Variants in WDR59 observed in about 807,000 individuals in gnomAD.
WDR59 encodes GATOR2 complex protein WDR59.
In WDR59, 100 loss-of-function variants were observed where a neutral mutation model predicts 131.2. The ratio of observed to expected loss-of-function variants is 0.76; its 90% confidence interval spans 0.65 to 0.90. WDR59 has a LOEUF of 0.90. Ranked by LOEUF, WDR59 falls within the 40% of genes least tolerant of loss-of-function variation. The pLI is 0.00. For missense variants in WDR59, 1,203 were observed against 1,262.2 expected (o/e 0.95, Z 0.71); for synonymous variants, 601 against 466.2 (o/e 1.29, Z -3.72).
intron 25 of WDR59, among the ~76,000 whole-genome samples, chr16:74,875,233 C>G (rs1311977051): frequency 2.0e-5 from 3 of 152,256 alleles, no homozygotes; most frequent in East Asian, 3.8e-4. Flanking sequence ...CACTGGGCTA[C>G]CCTGAGTAAA....
At chr16:74,982,544 G>C (rs1288123418) in intron 1 of WDR59, among the ~76,000 whole-genome samples, 1 of 152,146 alleles carries the variant, frequency 6.6e-6, no homozygotes, top group African/African-American at 2.4e-5. Context: ...GAGACTACCT[G>C]GGTTTCTGTG....
intron 18 of WDR59, 84 bp downstream of exon 18, chr16:74,903,863 T>C: frequency 4.1e-6 from 6 of 1,476,084 alleles, no homozygotes; most frequent in Non-Finnish European, 5.5e-6. Context: ...TGATTACTAA[T>C]CTAGCTGCTG....
At chr16:74,896,840 T>G (rs549379721) in intron 18 of WDR59, among the ~76,000 whole-genome samples, 1 of 152,248 alleles carries the variant, frequency 6.6e-6, no homozygotes, top group South Asian at 2.1e-4. Flanking sequence ...GCTCATTCTG[T>G]GCTAGTATAA....
chr16:74,923,222 A>T (rs917179120), intron 9 of WDR59, among the ~76,000 whole-genome samples: 1 of 152,238 alleles, frequency 6.6e-6, no homozygotes, highest in Non-Finnish European at 1.5e-5. Context: ...GCTCAAAAAC[A>T]TCAAATGGCT....
intron 2 of WDR59, among the ~76,000 whole-genome samples, chr16:74,960,061 G>GGCTC (rs1405855922): frequency 2.0e-5 from 3 of 152,052 alleles, no homozygotes; most frequent in Admixed American, 6.6e-5. Flanking sequence ...CGGGCGCAGT[G>GGCTC]GCTCACACCT....
intron 4 of WDR59, chr16:74,950,019 A>G: frequency 1.7e-6 from 1 of 594,306 alleles, no homozygotes; most frequent in Admixed American, 2.2e-5. Context: ...CTGCTCCCAG[A>G]AAAGAAATGG....
chr16:74,918,778 A>G (rs1355663752), intron 10 of WDR59, among the ~76,000 whole-genome samples: 2 of 152,176 alleles, frequency 1.3e-5, no homozygotes, highest in African/African-American at 4.8e-5. Context: ...AATTTTATGG[A>G]TGGGGAAACT....
chr16:74,892,399 A>G, intron 20 of WDR59, 85 bp downstream of exon 20: 1 of 1,141,116 alleles, frequency 8.8e-7, no homozygotes, highest in East Asian at 2.4e-5. Context: ...ACACTTTGAA[A>G]ATGTCATTAA....
intron 8 of WDR59, among the ~76,000 whole-genome samples, chr16:74,929,838 C>T (rs1016030215): frequency 3.9e-5 from 6 of 152,150 alleles, no homozygotes; most frequent in African/African-American, 1.2e-4. Context: ...CAATGGAGTA[C>T]TATTCATCCA....
intron 4 of WDR59, chr16:74,950,018 G>C: frequency 3.5e-6 from 2 of 570,300 alleles, no homozygotes; most frequent in Non-Finnish European, 6.7e-6. Flanking sequence ...TCTGCTCCCA[G>C]AAAAGAAATG....
intron 6 of WDR59, among the ~76,000 whole-genome samples, chr16:74,945,106 A>G (rs1025870558): frequency 6.6e-6 from 1 of 151,968 alleles, no homozygotes; most frequent in Non-Finnish European, 1.5e-5. Flanking sequence ...CCTGGCCGAC[A>G]GAGCAAGACT....
chr16:74,928,792 C>T (rs769176742), intron 8 of WDR59, among the ~76,000 whole-genome samples: 4 of 151,920 alleles, frequency 2.6e-5, no homozygotes, highest in Non-Finnish European at 5.9e-5. Context: ...ATCTGTAATC[C>T]CAGCTACTCA....
chr16:74,956,525 C>T lies in WDR59; in HGVS notation c.190G>A (p.Ala64Thr), dbSNP rs1156278918. 2 of 1,614,122 alleles carry T rather than the reference C, an allele frequency of 1.2e-6. No homozygotes were observed. The highest frequency in any genetic ancestry group is 1.3e-5 in the African/African-American group (1 of 75,028). The change falls in exon 3 of 26, where the codon GCT becomes ACT. Residue 64 changes from alanine (A) to threonine (T), a missense_variant. Coordinates refer to ENST00000262144, the MANE Select transcript of WDR59 (RefSeq NM_030581.4). ...CTGTCATGAGGATTCCACTGCACAG[C>T]TCCAATGTCCCATTTGCTCTGGCGA... is the stretch of plus-strand genomic sequence containing the variant. ...ISRQSKWDIG[A>T]VQWNPHDSFA...
rs763189934 is a variant in WDR59, at chr16:74,942,767, C to A, written c.505G>T (p.Asp169Tyr). Residue 169 changes from aspartate to tyrosine, a missense_variant, in exon 7 of 26, where the codon GAC becomes TAC. By Grantham distance (160) the Asp-to-Tyr change is radical (BLOSUM62 -3). Coordinates refer to ENST00000262144, the MANE Select transcript of WDR59 (RefSeq NM_030581.4). The part of the protein sequence containing the change: ...KNANCLATSH[D>Y]GDVRIWDKRK... ...TTATCCCATATCCGCACATCGCCGT[C>A]ATGGCTGGTGGCAAGGCAGTTAGCA... The A allele has an allele frequency of 1.2e-6, 2 of 1,612,930 alleles. No individual in the cohort carries two copies. The highest frequency in any genetic ancestry group is 3.4e-5 in the Admixed American group (2 of 59,552).
At chr16:74,912,009 A>T in intron 14 of WDR59, 189 bp downstream of exon 14, 1 of 702,152 alleles carries the variant, frequency 1.4e-6, no homozygotes, top group African/African-American at 1.8e-5. Flanking sequence ...AAAAAAGGTT[A>T]AGAACCACTG....
At chr16:74,911,306 T>C (rs1233291575) in intron 14 of WDR59, among the ~76,000 whole-genome samples, 1 of 152,202 alleles carries the variant, frequency 6.6e-6, no homozygotes, top group African/African-American at 2.4e-5. Flanking sequence ...TACCACAAGA[T>C]CTGAGTTACT....
At chr16:74,945,134 A>C (rs897355771) in intron 6 of WDR59, among the ~76,000 whole-genome samples, 4 of 151,956 alleles carry the variant, frequency 2.6e-5, no homozygotes, top group Admixed American at 6.6e-5. Context: ...AAATAAAAAA[A>C]GAACCACCGT....
chr16:74,918,034 G>A, intron 10 of WDR59, 26 bp from the exon 11 acceptor site: 1 of 1,608,230 alleles, frequency 6.2e-7, no homozygotes, highest in African/African-American at 1.3e-5. Context: ...TAAGAATCCT[G>A]GAAATTCTTC....
At chr16:74,935,907 G>A (rs913314353) in intron 8 of WDR59, among the ~76,000 whole-genome samples, 2 of 151,392 alleles carry the variant, frequency 1.3e-5, no homozygotes, top group Non-Finnish European at 2.9e-5. Flanking sequence ...TGAGGCAGGA[G>A]AATCGCTTGA....
Sources: gnomAD v4.1 joint callset for allele counts (sites outside exome capture counted in the v4.1 genomes callset) on GRCh38, gnomAD v4.1.1 for gene constraint, MANE v1.5 for transcripts, NCBI Gene and HGNC (gene_info 2026-07-23, HGNC 2026-07-21) for gene names.